Variants in SCN1A observed in about 807,000 individuals in gnomAD.
The protein encoded by SCN1A is sodium channel protein type 1 subunit alpha.
Under a neutral mutation model 193.7 loss-of-function variants are expected in SCN1A, and 13 were observed. The observed-to-expected ratio is 0.07, with a 90% confidence interval of 0.04 to 0.11. SCN1A has a LOEUF of 0.11. Among genes scored for constraint, SCN1A ranks in the 10% least tolerant of loss-of-function variants. SCN1A has a pLI of 1.00. For missense variants in SCN1A, 1,432 were observed against 2,451.1 expected (o/e 0.58, Z 8.78); for synonymous variants, 781 against 843.6 (o/e 0.93, Z 1.29).
chr2:166,045,611 ATAAAT>A (rs1356615788), intron 12 of SCN1A, among the ~76,000 whole-genome samples: 2 of 152,190 alleles, frequency 1.3e-5, no homozygotes, highest in Non-Finnish European at 2.9e-5. Context: ...CAACAAGAAA[ATAAAT>A]TCATTACTTT....
chr2:166,058,778 T>C, intron 4 of SCN1A, 90 bp from the exon 5 acceptor site: 1 of 805,084 alleles, frequency 1.2e-6, no homozygotes, highest in South Asian at 1.4e-5. Context: ...TAATAAATTA[T>C]TGTAAAGTTA....
chr2:166,143,657 G>A (rs1692188258), intron 1 of SCN1A, among the ~76,000 whole-genome samples: 1 of 152,114 alleles, frequency 6.6e-6, no homozygotes, highest in Admixed American at 6.6e-5. Flanking sequence ...TCATATTGCC[G>A]AGCTAAACTC....
At position 165,989,161 on chromosome 2, in the gene SCN1A, A is replaced by G. The variant is rs2105408540; in HGVS notation, c.*2084T>C. The G allele has an allele frequency of 6.6e-6, 1 of 152,636 alleles. No individual in the cohort carries two copies. The highest frequency in any genetic ancestry group is 2.1e-4 in the South Asian group (1 of 4,828). The allele number at this position is 152,636 out of a possible 1,614,324, so 9.5% of individuals were successfully genotyped here. Reference sequence around the variant, plus strand: ...AACAAAAAGTGACTGGGCAAACAATAAAATAAAAAATGTAATCTTTATTAG... The same window carrying G: ...AACAAAAAGTGACTGGGCAAACAATGAAATAAAAAATGTAATCTTTATTAG... On this transcript the variant is annotated 3_prime_UTR_variant, in exon 29 of 29. Coordinates refer to ENST00000674923, the MANE Select transcript of SCN1A (RefSeq NM_001165963.4).
intron 2 of SCN1A, among the ~76,000 whole-genome samples, chr2:166,098,734 A>G (rs1687684515): frequency 6.6e-6 from 1 of 152,194 alleles, no homozygotes; most frequent in Non-Finnish European, 1.5e-5. Flanking sequence ...GCTGAGAGCC[A>G]AGTCAATAAT....
At chr2:166,044,986 CCT>C (rs1697617804) in intron 13 of SCN1A, 55 bp downstream of exon 13, 4 of 1,560,262 alleles carry the variant, frequency 2.6e-6, no homozygotes, top group African/African-American at 2.7e-5. Flanking sequence ...TAATTCTCCC[CCT>C]CTCTCCCATG....
At position 165,989,356 on chromosome 2, in the gene SCN1A, C is replaced by A. The variant is rs1241532110; in HGVS notation, c.*1889G>T. The A allele has an allele frequency of 1.3e-5, 2 of 152,338 alleles. No individual in the cohort carries two copies. Among genetic ancestry groups the A allele is most frequent in the Non-Finnish European group, 2.9e-5 (2 of 67,986 alleles). The allele number at this position is 152,338 out of a possible 1,614,324, so 9.4% of individuals were successfully genotyped here. ...TGATGTAATTGACTATATAAGTTGA[C>A]TACTCTGTTTTTGTGGAAAAAAAAA... On this transcript the variant is annotated 3_prime_UTR_variant, in exon 29 of 29. Transcript: ENST00000674923.
Position 166,039,358 on chromosome 2 carries a change from G to A in SCN1A, c.2589+65C>T. 4 of 1,513,050 alleles carry A rather than the reference G, an allele frequency of 2.6e-6. No homozygotes were observed. The Admixed American group carries it at 5.4e-5, about 20-fold the overall frequency. 93.7% of individuals were successfully genotyped at this position (1,513,050 alleles called of 1,614,324 possible). A position where few individuals can be genotyped will look rare whatever the true frequency, so the allele number is the denominator to read the frequency against. On this transcript the variant is annotated intron_variant, in intron 17 of 28. Transcript: ENST00000674923. ...TGTGTGGCAAAAAAACTATGACATTGCTATGCAAGAACCCTGATTGTTAGA... is the reference window on the plus strand; with the variant it reads ...TGTGTGGCAAAAAAACTATGACATTACTATGCAAGAACCCTGATTGTTAGA...
chr2:166,115,814 A>G (rs1574567578), intron 2 of SCN1A, among the ~76,000 whole-genome samples: 1 of 152,350 alleles, frequency 6.6e-6, no homozygotes, highest in African/African-American at 2.4e-5. Context: ...ATGCTGCACC[A>G]TATTGCAAAG....
At chr2:166,042,497 A>G in intron 14 of SCN1A, 73 bp from the exon 15 acceptor site, 1 of 1,428,064 alleles carries the variant, frequency 7.0e-7, no homozygotes, top group Non-Finnish European at 9.8e-7. Context: ...AAATGGTGAC[A>G]CAGTGAATTT....
At chr2:166,075,988 C>A (rs889288962) in intron 3 of SCN1A, among the ~76,000 whole-genome samples, 1 of 151,800 alleles carries the variant, frequency 6.6e-6, no homozygotes, top group African/African-American at 2.4e-5. Flanking sequence ...TATTTAAAAA[C>A]AGCCCATTTT....
At chr2:166,022,661 A>C (rs371778312) in intron 19 of SCN1A, among the ~76,000 whole-genome samples, 3 of 152,202 alleles carry the variant, frequency 2.0e-5, no homozygotes, top group African/African-American at 7.2e-5. Context: ...GCTTCTAACC[A>C]ATACAATGTG....
chr2:166,141,381 C>CT (rs1234477265), intron 1 of SCN1A, among the ~76,000 whole-genome samples: 8 of 150,866 alleles, frequency 5.3e-5, no homozygotes, highest in East Asian at 2.0e-4. Flanking sequence ...TTATATTTTT[C>CT]TTTTTTTTAT....
At chr2:166,131,499 C>G (rs1691660636), upstream of SCN1A, among the ~76,000 whole-genome samples, 2 of 151,958 alleles carry the variant, frequency 1.3e-5, no homozygotes, top group African/African-American at 4.9e-5. Context: ...GGGACATAAT[C>G]TCTGTCAATA....
chr2:166,018,679 C>T (rs977093757), intron 19 of SCN1A, among the ~76,000 whole-genome samples: 7 of 151,916 alleles, frequency 4.6e-5, no homozygotes, highest in African/African-American at 1.7e-4. Context: ...TTGAGTTACT[C>T]AACCAAGATA....
chr2:166,143,794 AC>A (rs1377785939), intron 1 of SCN1A, among the ~76,000 whole-genome samples: 3 of 152,202 alleles, frequency 2.0e-5, no homozygotes, highest in African/African-American at 7.2e-5. Context: ...TTCTCAAAAA[AC>A]TTTGAATAAT....
chr2:166,047,835 T>C (rs770540862), intron 10 of SCN1A, 67 bp from the exon 11 acceptor site: 6 of 1,596,480 alleles, frequency 3.8e-6, no homozygotes, highest in South Asian at 1.1e-5. Flanking sequence ...TACTATGCTA[T>C]GATATTGCCT....
At chr2:166,070,093 G>A (rs73969782) in intron 4 of SCN1A, among the ~76,000 whole-genome samples, 11,439 of 152,156 alleles carry the variant, frequency 0.075, 1,153 homozygotes, top group African/African-American at 0.23. Flanking sequence ...TCCATTTAAG[G>A]ATATTTTTCA....
chr2:166,061,610 G>A (rs1296744710), intron 4 of SCN1A, among the ~76,000 whole-genome samples: 1 of 147,006 alleles, frequency 6.8e-6, no homozygotes, highest in Non-Finnish European at 1.5e-5. Flanking sequence ...TGAGATGACG[G>A]ATATGCTAAT....
intron 22 of SCN1A, among the ~76,000 whole-genome samples, chr2:166,011,708 G>C (rs1314173098): frequency 6.6e-6 from 1 of 151,092 alleles, no homozygotes; most frequent in Non-Finnish European, 1.5e-5. Context: ...GGGGTCAAGA[G>C]TTTGGGGCCA....
Sources: gnomAD v4.1 joint callset for allele counts (sites outside exome capture counted in the v4.1 genomes callset) on GRCh38, gnomAD v4.1.1 for gene constraint, MANE v1.5 for transcripts, NCBI Gene and HGNC (gene_info 2026-07-23, HGNC 2026-07-21) for gene names.